TSHZ3: variants seen among roughly 807,000 people sequenced by gnomAD.
TSHZ3 encodes teashirt homolog 3.
In TSHZ3, 10 loss-of-function variants were observed where a neutral mutation model predicts 64.5. The observed-to-expected ratio is 0.16, with a 90% CI of 0.10 to 0.26. The LOEUF is 0.26. Ranked by LOEUF, TSHZ3 falls within the 10% of genes least tolerant of loss-of-function variation. The pLI, the probability that TSHZ3 is intolerant of heterozygous loss-of-function variation, is 1.00. For synonymous variants in TSHZ3, 608 were observed against 593.1 expected (o/e 1.03, Z -0.36); for missense variants, 1,242 against 1,421.7 (o/e 0.87, Z 2.03).
intron 1 of TSHZ3, among the ~76,000 whole-genome samples, chr19:31,249,467 C>A (rs1568359332): frequency 2.0e-5 from 3 of 152,154 alleles, no homozygotes; most frequent in African/African-American, 7.2e-5. Flanking sequence ...GACCTTGGCA[C>A]CGACTGCAGA....
At chr19:31,183,450 A>C (rs1463197759) in intron 5 of TSHZ3, among the ~76,000 whole-genome samples, 1 of 152,206 alleles carries the variant, frequency 6.6e-6, no homozygotes, top group Non-Finnish European at 1.5e-5. Flanking sequence ...TACTCTGAGA[A>C]TCAGAAAACG....
intron 1 of TSHZ3, among the ~76,000 whole-genome samples, chr19:31,253,719 T>C (rs928058652): frequency 2.0e-5 from 3 of 152,130 alleles, no homozygotes; most frequent in Admixed American, 2.0e-4. Flanking sequence ...TACGCTTTCC[T>C]GTGCACATAT....
In TSHZ3 at chr19:31,279,467, G is replaced by A. The variant is rs749934824; in HGVS notation, c.326C>T (p.Thr109Met). Reference sequence around the variant, plus strand: ...CTGCTCCAGGCTATCCGACACAGTCGTGTCTTCCAGTGGGACCGTGACCTC... The same window carrying A: ...CTGCTCCAGGCTATCCGACACAGTCATGTCTTCCAGTGGGACCGTGACCTC... ...TKEVTVPLED[T>M]TVSDSLEQMK... is the part of the protein sequence containing the mutation. Residue 109 changes from threonine (T) to methionine (M), a missense_variant, in exon 2 of 2, where the codon ACG becomes ATG. Thr to Met is a moderately conservative substitution (Grantham distance 81). Coordinates refer to ENST00000240587, the MANE Select transcript of TSHZ3 (RefSeq NM_020856.4). The surrounding 1 kb of genome is among the most constrained non-coding windows in gnomAD (Gnocchi z 6.4). 14 of 1,614,202 alleles carry A rather than the reference G, an allele frequency of 8.7e-6. No homozygotes were observed. Among genetic ancestry groups the A allele is most frequent in the South Asian group, 4.4e-5 (4 of 91,076 alleles).
intron 1 of TSHZ3, among the ~76,000 whole-genome samples, chr19:31,309,389 C>T (rs1236259178): frequency 6.7e-6 from 1 of 149,812 alleles, no homozygotes; most frequent in Non-Finnish European, 1.5e-5. Flanking sequence ...ATATCTTCTG[C>T]AAAAAAAAAA....
chr19:31,219,532 T>A (rs1428083077), intron 4 of TSHZ3, among the ~76,000 whole-genome samples: 1 of 152,158 alleles, frequency 6.6e-6, no homozygotes, highest in East Asian at 1.9e-4. Context: ...GATGGAAATG[T>A]TCTATATTTC....
chr19:31,212,857 T>C (rs1381299629), intron 4 of TSHZ3, among the ~76,000 whole-genome samples: 3 of 152,054 alleles, frequency 2.0e-5, no homozygotes, highest in Non-Finnish European at 4.4e-5. Context: ...AAGACTGCCT[T>C]CAGTAGGCAA....
intron 5 of TSHZ3, among the ~76,000 whole-genome samples, chr19:31,197,237 A>G (rs1975005900): frequency 6.6e-6 from 1 of 152,014 alleles, no homozygotes; most frequent in Admixed American, 6.5e-5. Context: ...ATCAAGAGAA[A>G]TTTAAAAATA....
intron 1 of TSHZ3, among the ~76,000 whole-genome samples, chr19:31,336,247 T>A (rs1473221810): frequency 6.6e-6 from 1 of 152,188 alleles, no homozygotes; most frequent in Non-Finnish European, 1.5e-5. Flanking sequence ...TATTTTAGCT[T>A]CAGAAAAAGC....
Position 31,349,231 on chromosome 19 carries a change from G to T in TSHZ3, c.-12C>A, listed in dbSNP as rs538330072. 3.6e-5 allele frequency: 56 copies of T among 1,535,904 alleles called. No individual in the cohort carries two copies. The African/African-American group carries it at 7.4e-4, about 20-fold the overall frequency. On this transcript the variant is annotated 5_prime_UTR_variant, in exon 1 of 2. Transcript: ENST00000240587. ...TTCCTCCTCGGCATGATGCTTCTCC[G>T]GCGACTGCCACTGCCGCCGCCGCCG...
chr19:31,185,192 T>A (rs1238420147), intron 5 of TSHZ3, among the ~76,000 whole-genome samples: 1 of 151,876 alleles, frequency 6.6e-6, no homozygotes, highest in African/African-American at 2.4e-5. Flanking sequence ...CCATGCAGAC[T>A]TATTCCCATA....
intron 3 of TSHZ3, among the ~76,000 whole-genome samples, chr19:31,235,652 A>G (rs1349561164): frequency 6.5e-5 from 3 of 45,864 alleles, no homozygotes; most frequent in African/African-American, 1.1e-4. Flanking sequence ...CTTTCTTTCT[A>G]TTTCTTTCTA....
intron 1 of TSHZ3, among the ~76,000 whole-genome samples, chr19:31,246,227 G>A (rs764728579): frequency 2.0e-5 from 3 of 152,180 alleles, no homozygotes; most frequent in African/African-American, 7.2e-5. Flanking sequence ...TTCTGTGGGT[G>A]TATAAGGCTC....
At chr19:31,254,135 G>A (rs1317424084) in intron 1 of TSHZ3, among the ~76,000 whole-genome samples, 1 of 152,162 alleles carries the variant, frequency 6.6e-6, no homozygotes, top group Admixed American at 6.5e-5. Flanking sequence ...GATTTTGAAT[G>A]GGAGACTGAG....
intron 1 of TSHZ3, among the ~76,000 whole-genome samples, chr19:31,340,477 G>C (rs1343930114): frequency 3.5e-5 from 5 of 142,862 alleles, no homozygotes; most frequent in African/African-American, 1.3e-4. Flanking sequence ...CATGAAACAA[G>C]AGAGACGCAC....
At position 31,276,307 on chromosome 19, in the gene TSHZ3, T is replaced by C; in HGVS notation, c.*240A>G. ...GGAGGATGCTCACAACTAAATCCCG[T>C]TTACACAAAGTTCCAAACACTTACC... On this transcript the variant is annotated 3_prime_UTR_variant, in exon 2 of 2. Transcript: ENST00000240587. The C allele has an allele frequency of 2.7e-6, 1 of 368,784 alleles. No individual in the cohort carries two copies. Among genetic ancestry groups the C allele is most frequent in the East Asian group, 4.1e-5 (1 of 24,218 alleles). The allele number at this position is 368,784 out of a possible 1,614,324, so 22.8% of individuals were successfully genotyped here. A position where few individuals can be genotyped will look rare whatever the true frequency, so the allele number is the denominator to read the frequency against.
chr19:31,195,155 G>A (rs995952406), intron 5 of TSHZ3, among the ~76,000 whole-genome samples: 11 of 151,972 alleles, frequency 7.2e-5, no homozygotes, highest in Admixed American at 5.9e-4. Context: ...GAAAAGAGGA[G>A]AAAGGTACAG....
intron 1 of TSHZ3, among the ~76,000 whole-genome samples, chr19:31,264,813 T>C (rs1297313961): frequency 6.6e-6 from 1 of 152,020 alleles, no homozygotes; most frequent in African/African-American, 2.4e-5. Flanking sequence ...AAAATATTCA[T>C]TGCGCAGTTC....
chr19:31,157,072 T>G (rs975796874), intron 5 of TSHZ3, among the ~76,000 whole-genome samples: 1 of 151,778 alleles, frequency 6.6e-6, no homozygotes, highest in Non-Finnish European at 1.5e-5. Flanking sequence ...GGTACAGAAT[T>G]GAACATATAT....
intron 5 of TSHZ3, among the ~76,000 whole-genome samples, chr19:31,179,495 G>A (rs1974665717): frequency 1.3e-5 from 2 of 152,216 alleles, no homozygotes. Flanking sequence ...AGAGCAGGGT[G>A]GAGGAAGATA....
Sources: gnomAD v4.1 joint callset for allele counts (sites outside exome capture counted in the v4.1 genomes callset) on GRCh38, gnomAD v4.1.1 for gene constraint, Gnocchi (gnomAD v3.1) non-coding constraint, MANE v1.5 for transcripts, NCBI Gene and HGNC (gene_info 2026-07-23, HGNC 2026-07-21) for gene names.